The following ARHGAP17 variants were observed in gnomAD, a reference collection of about 807,000 sequenced individuals.
The protein encoded by ARHGAP17 is Rho GTPase activating protein 17.
A neutral mutation model predicts 99.5 loss-of-function variants in ARHGAP17; 57 were observed. That is an observed-to-expected ratio of 0.57 (90% CI 0.46 to 0.71). The LOEUF (loss-of-function observed/expected upper bound fraction) is 0.71, where lower values mean the gene tolerates loss of function less well. ARHGAP17 is among the 30% of genes least tolerant of loss of function. The pLI is 0.00. For synonymous variants in ARHGAP17, 417 were observed against 429.6 expected (o/e 0.97, Z 0.36); for missense variants, 1,000 against 1,122.4 (o/e 0.89, Z 1.56).
At position 25,015,262 on chromosome 16, in the gene ARHGAP17, GGC is replaced by G; in HGVS notation, c.-3_-2del. 7.5e-7 allele frequency: 1 copy of G among 1,341,286 alleles called. No homozygotes were observed. The highest frequency in any genetic ancestry group is 9.7e-7 in the Non-Finnish European group (1 of 1,035,484). 83.1% of individuals were successfully genotyped at this position (1,341,286 alleles called of 1,614,324 possible). A position where few individuals can be genotyped will look rare whatever the true frequency, so the allele number is the denominator to read the frequency against. ...TCATGCGGTTGAACTGCTTCTTCAT[GGC>G]GGCGGTGGCGGCGGCGGCCCGCGGG... On this transcript the variant is annotated 5_prime_UTR_variant, in exon 1 of 20. Transcript: ENST00000289968.
chr16:24,976,816 T>A (rs1271259580), intron 3 of ARHGAP17, among the ~76,000 whole-genome samples: 2 of 152,212 alleles, frequency 1.3e-5, no homozygotes, highest in African/African-American at 4.8e-5. Flanking sequence ...ATTACTAAAA[T>A]GTTAGATAAA....
chr16:24,976,812 A>G (rs2175477), intron 3 of ARHGAP17, among the ~76,000 whole-genome samples: 123,170 of 152,182 alleles, frequency 0.81, 50,357 homozygotes, highest in African/African-American at 0.89. Context: ...TTACATTACT[A>G]AAATGTTAGA....
At chr16:24,956,341 CAT>C (rs2051807914) in intron 9 of ARHGAP17, 1 of 152,332 alleles carries the variant, frequency 6.6e-6, no homozygotes, top group Non-Finnish European at 1.5e-5. Flanking sequence ...AGAAGCAAGT[CAT>C]AAGGCAAATT....
chr16:24,976,845 C>T (rs2052532813), intron 3 of ARHGAP17, among the ~76,000 whole-genome samples: 1 of 152,228 alleles, frequency 6.6e-6, no homozygotes, highest in Admixed American at 6.5e-5. Context: ...TCAAGTCCAT[C>T]CCAACCTCTG....
intron 1 of ARHGAP17, among the ~76,000 whole-genome samples, chr16:24,995,223 G>C (rs892579870): frequency 1.3e-5 from 2 of 152,130 alleles, no homozygotes; most frequent in Admixed American, 6.5e-5. Flanking sequence ...GATTTGAGTG[G>C]GGACACAGCC....
chr16:24,949,588 G>A (rs138877877), intron 12 of ARHGAP17, 104 bp from the exon 13 acceptor site: 2 of 909,002 alleles, frequency 2.2e-6, no homozygotes, highest in African/African-American at 1.7e-5. Flanking sequence ...AGAAAGCACA[G>A]TTGGAAAACA....
At chr16:25,007,878 C>T (rs901362095) in intron 1 of ARHGAP17, among the ~76,000 whole-genome samples, 4 of 152,186 alleles carry the variant, frequency 2.6e-5, no homozygotes, top group Non-Finnish European at 4.4e-5. Flanking sequence ...ACTACTCCCA[C>T]GTTCACCATG....
At chr16:24,960,551 A>C (rs1464672280) in intron 7 of ARHGAP17, among the ~76,000 whole-genome samples, 1 of 151,904 alleles carries the variant, frequency 6.6e-6, no homozygotes. Context: ...TGTCTAAAAA[A>C]AGGCTGGGTG....
chr16:24,984,266 A>C (rs1024246581), intron 1 of ARHGAP17, among the ~76,000 whole-genome samples: 10 of 152,156 alleles, frequency 6.6e-5, no homozygotes, highest in African/African-American at 2.4e-4. Flanking sequence ...AACAATGAGC[A>C]CTACCGTCCT....
At chr16:25,009,304 T>C (rs965243619) in intron 1 of ARHGAP17, among the ~76,000 whole-genome samples, 1 of 148,998 alleles carries the variant, frequency 6.7e-6, no homozygotes, top group African/African-American at 2.5e-5. Context: ...GAGGTGGAGG[T>C]TGCAGTGAGT....
At position 25,015,225 on chromosome 16, in the gene ARHGAP17, T is replaced by G. The variant is rs1384586562; in HGVS notation, c.37A>C (p.Asn13His). 3 of 1,359,210 alleles carry G rather than the reference T, an allele frequency of 2.2e-6. No individual in the cohort carries two copies. The highest frequency in any genetic ancestry group is 2.9e-6 in the Non-Finnish European group (3 of 1,045,620). 84.2% of individuals were successfully genotyped at this position (1,359,210 alleles called of 1,614,324 possible). A position where few individuals can be genotyped will look rare whatever the true frequency, so the allele number is the denominator to read the frequency against. ...CGCACTCGCCTGCCCACGGTCTGGT[T>G]AGCCAGCTGCTTCATGCGGTTGAAC... ...KQFNRMKQLANQTVGRAEKTE... is the reference protein window; with the variant it reads ...KQFNRMKQLAHQTVGRAEKTE... The change falls in exon 1 of 20, where the codon AAC (asparagine) becomes CAC (histidine). Residue 13 changes from asparagine (N) to histidine (H), a missense_variant. By Grantham distance (68) the Asn-to-His change is moderately conservative (BLOSUM62 1). Around this residue, in one of 2 missense-constraint regions of ARHGAP17, gnomAD observed 472 missense variants for 611.1 expected, o/e 0.77. Coordinates refer to ENST00000289968, the MANE Select transcript of ARHGAP17 (RefSeq NM_001006634.3).
At chr16:24,952,190 TTTAATC>T in intron 12 of ARHGAP17, 93 bp downstream of exon 12, 1 of 847,026 alleles carries the variant, frequency 1.2e-6, no homozygotes, top group South Asian at 1.9e-5. Flanking sequence ...AATACGCTAT[TTTAATC>T]TTATGATCCC....
At chr16:24,957,582 A>G (rs186081344) in intron 9 of ARHGAP17, 1 of 152,380 alleles carries the variant, frequency 6.6e-6, no homozygotes, top group African/African-American at 2.4e-5. Context: ...ATGAATAAGG[A>G]AGGGACGGCC....
At chr16:24,949,635 T>C in intron 12 of ARHGAP17, 151 bp from the exon 13 acceptor site, 3 of 649,390 alleles carry the variant, frequency 4.6e-6, no homozygotes, top group Non-Finnish European at 7.8e-6. Flanking sequence ...TAGAGTCAAA[T>C]ACCAATTAAC....
At chr16:24,990,301 A>G (rs2052999910) in intron 1 of ARHGAP17, among the ~76,000 whole-genome samples, 1 of 152,138 alleles carries the variant, frequency 6.6e-6, no homozygotes, top group Non-Finnish European at 1.5e-5. Flanking sequence ...CCTGGGCAAG[A>G]CAGGGACACC....
intron 14 of ARHGAP17, 57 bp from the exon 15 acceptor site, chr16:24,943,919 CT>C: frequency 7.0e-7 from 1 of 1,435,900 alleles, no homozygotes. Flanking sequence ...CTAATTTCTT[CT>C]GGTTGTGTCA....
At chr16:24,938,053 T>A (rs570695768) in intron 17 of ARHGAP17, among the ~76,000 whole-genome samples, 1 of 152,108 alleles carries the variant, frequency 6.6e-6, no homozygotes, top group Admixed American at 6.6e-5. Context: ...ACTGAATTAA[T>A]GTCAATTAAA....
intron 10 of ARHGAP17, 59 bp downstream of exon 10, chr16:24,954,544 C>A: frequency 6.4e-7 from 1 of 1,563,710 alleles, no homozygotes; most frequent in Non-Finnish European, 8.7e-7. Flanking sequence ...GAGCATGGTG[C>A]TCTGGGTACA....
Position 24,962,122 on chromosome 16 carries a change from C to T in ARHGAP17, c.573+2075G>A, listed in dbSNP as rs370952745. 4.0e-5 allele frequency among the ~76,000 whole-genome samples: 6 copies of T among 151,208 alleles called. No homozygotes were observed. The South Asian group carries it at 1.3e-3, about 32-fold the overall frequency. ...AACTGGGAAAGCAATAAAGTAAATTCCTTGATTCCCCTCAACCCCACCATA... is the reference window on the plus strand; with the variant it reads ...AACTGGGAAAGCAATAAAGTAAATTTCTTGATTCCCCTCAACCCCACCATA... On this transcript the variant is annotated intron_variant, in intron 7 of 19. Transcript: ENST00000289968.
Sources: allele counts gnomAD v4.1 joint callset (sites outside exome capture counted in the v4.1 genomes callset), GRCh38; gene constraint gnomAD v4.1.1; regional missense constraint gnomAD v4.1.1; transcripts MANE v1.5; gene names NCBI Gene and HGNC (gene_info 2026-07-23, HGNC 2026-07-21).